Variants in PTP4A2 observed in about 807,000 individuals in gnomAD.
The protein encoded by PTP4A2 is protein tyrosine phosphatase type IVA 2.
In PTP4A2, 2 loss-of-function variants were observed where a neutral mutation model predicts 22.9. That is an observed-to-expected ratio of 0.09 (90% confidence interval 0.04 to 0.27). The LOEUF (loss-of-function observed/expected upper bound fraction) is 0.27. Ranked by LOEUF, PTP4A2 falls within the 10% of genes least tolerant of loss-of-function variation. The pLI is 1.00. For synonymous variants in PTP4A2, 68 were observed against 69.1 expected, an observed-to-expected ratio of 0.98 and a Z score of 0.08; for missense variants, 103 against 205.1, an observed-to-expected ratio of 0.50 and a Z score of 3.04.
In PTP4A2 at chr1:31,915,921, C is replaced by G; in HGVS notation, c.163G>C (p.Val55Leu). 1 of 1,606,518 alleles carries G rather than the reference C, an allele frequency of 6.2e-7. No individual in the cohort carries two copies. Among genetic ancestry groups the G allele is most frequent in the Non-Finnish European group, 8.5e-7 (1 of 1,176,446 alleles). Reference sequence around the variant, plus strand: ...AGAACGTGGATTCCTTCTTTTTCAACTGGAGCTTTATCATATGTAGCATCA... The same window carrying G: ...AGAACGTGGATTCCTTCTTTTTCAAGTGGAGCTTTATCATATGTAGCATCA... Reference protein sequence around the residue: ...VCDATYDKAPVEKEGIHVLDW... With the variant: ...VCDATYDKAPLEKEGIHVLDW... Residue 55 changes from valine to leucine, a missense_variant, in exon 3 of 6, where the codon GTT becomes CTT. Physicochemically the swap from Val to Leu is conservative, Grantham distance 32. This residue lies in a region of PTP4A2 where 66 missense variants were observed against 113.0 expected (regional missense o/e 0.58). Coordinates refer to ENST00000647444, the MANE Select transcript of PTP4A2 (RefSeq NM_080391.4).
intron 3 of PTP4A2, chr1:31,913,007 T>C: frequency 4.4e-6 from 2 of 455,380 alleles, no homozygotes; most frequent in Non-Finnish European, 8.8e-6. Context: ...CTTCCTCTAA[T>C]ACTCCCTAAA....
intron 1 of PTP4A2, among the ~76,000 whole-genome samples, chr1:31,928,029 C>A (rs2124245907): frequency 6.6e-6 from 1 of 151,832 alleles, no homozygotes; most frequent in East Asian, 1.9e-4. Context: ...CTCTTATAAC[C>A]TACTCCCAAA....
rs761031298 is a variant in PTP4A2 at position 31,922,582 on chromosome 1, G to GTTTC, written c.-593-2925_-593-2924insGAAA. On this transcript the variant is annotated intron_variant, in intron 1 of 5. Coordinates refer to ENST00000647444, the MANE Select transcript of PTP4A2 (RefSeq NM_080391.4). ...TAGCAGCTTAAGAACAAAAACCCAG[G>GTTTC]TTTGTTTCTTTCTTTCTTTCTTTCT... 2.6e-4 allele frequency among the ~76,000 whole-genome samples: 37 copies of GTTTC among 141,724 alleles called. 1 individual carries two copies. The highest frequency in any genetic ancestry group is 4.4e-4 in the Non-Finnish European group (29 of 65,174). 93.0% of individuals were successfully genotyped at this position (141,724 alleles called of 152,430 possible).
rs1270129267 is a variant in PTP4A2 at position 31,938,006 on chromosome 1, G to C, written c.-613C>G. The C allele has an allele frequency of 6.6e-6, 1 of 152,592 alleles. No homozygotes were observed. The highest frequency in any genetic ancestry group is 1.5e-5 in the Non-Finnish European group (1 of 68,072). The allele number at this position is 152,592 out of a possible 1,614,324, so 9.5% of individuals were successfully genotyped here. ...ACTCACGCTGGCGAGCTGGGGACTG[G>C]GCATTGAAGTCCGGCGGTGGCGGGA... On this transcript the variant is annotated 5_prime_UTR_variant, in exon 1 of 6. Coordinates refer to ENST00000647444, the MANE Select transcript of PTP4A2 (RefSeq NM_080391.4). This position sits in a 1 kb window ranked among gnomAD's most constrained non-coding sequence, Gnocchi z 4.4.
intron 1 of PTP4A2, among the ~76,000 whole-genome samples, chr1:31,922,218 C>T (rs182637813): frequency 6.6e-6 from 1 of 152,334 alleles, no homozygotes; most frequent in East Asian, 1.9e-4. Context: ...GGCGTGATGG[C>T]TCACGCCTGT....
intron 1 of PTP4A2, chr1:31,932,657 G>A (rs965382825): frequency 6.6e-6 from 1 of 152,168 alleles, no homozygotes; most frequent in East Asian, 1.9e-4. Context: ...TGCAGGAAAC[G>A]AGTCATTCTC....
At chr1:31,923,693 T>C (rs1046347692) in intron 1 of PTP4A2, among the ~76,000 whole-genome samples, 25 of 151,986 alleles carry the variant, frequency 1.6e-4, no homozygotes, top group Non-Finnish European at 2.9e-4. Flanking sequence ...CAGCTAATAT[T>C]TTTAAAGTAT....
chr1:31,933,620 A>C (rs1040304817), intron 1 of PTP4A2: 1 of 152,036 alleles, frequency 6.6e-6, no homozygotes, highest in East Asian at 1.9e-4. Context: ...CTATAATACC[A>C]GCTGAGGCAG....
At position 31,908,316 on chromosome 1, in the gene PTP4A2, C is replaced by T. The variant is rs1651353415; in HGVS notation, c.*536G>A. Reference sequence around the variant, plus strand: ...GCACGCACATCTACAGCAACAAGGGCTTCTATTCCATCTACAACTTGGATC... The same window carrying T: ...GCACGCACATCTACAGCAACAAGGGTTTCTATTCCATCTACAACTTGGATC... On this transcript the variant is annotated 3_prime_UTR_variant, in exon 6 of 6. Transcript: ENST00000647444. 1 of 138,490 alleles carries T rather than the reference C, an allele frequency of 7.2e-6. No homozygotes were observed. The highest frequency in any genetic ancestry group is 7.5e-5 in the Admixed American group (1 of 13,394). The allele number at this position is 138,490 out of a possible 1,614,324, so 8.6% of individuals were successfully genotyped here. A position where few individuals can be genotyped will look rare whatever the true frequency, so the allele number is the denominator to read the frequency against.
At chr1:31,936,123 A>G (rs530494298) in intron 1 of PTP4A2, among the ~76,000 whole-genome samples, 43 of 152,090 alleles carry the variant, frequency 2.8e-4, no homozygotes, top group African/African-American at 5.3e-4. Context: ...ATTACACATC[A>G]GTGATTTTGC....
chr1:31,937,210 C>T (rs760270440), intron 1 of PTP4A2, among the ~76,000 whole-genome samples: 2 of 151,756 alleles, frequency 1.3e-5, no homozygotes, highest in Non-Finnish European at 2.9e-5. Flanking sequence ...AGTCATGAAA[C>T]GTGGGAGAAA....
At chr1:31,928,357 C>T (rs1421955007) in intron 1 of PTP4A2, among the ~76,000 whole-genome samples, 1 of 151,028 alleles carries the variant, frequency 6.6e-6, no homozygotes, top group Admixed American at 6.6e-5. Context: ...AATAAGGATC[C>T]AAAATGTCAG....
intron 1 of PTP4A2, among the ~76,000 whole-genome samples, chr1:31,935,243 T>C (rs1652884748): frequency 6.6e-6 from 1 of 152,166 alleles, no homozygotes; most frequent in Non-Finnish European, 1.5e-5. Flanking sequence ...CACGCAGACA[T>C]ATCCCAGGTG....
intron 1 of PTP4A2, among the ~76,000 whole-genome samples, chr1:31,929,827 A>T (rs942029449): frequency 6.6e-6 from 1 of 152,240 alleles, no homozygotes; most frequent in African/African-American, 2.4e-5. Flanking sequence ...AGTAGTAAAA[A>T]TCCAAAAGAA....
intron 1 of PTP4A2, among the ~76,000 whole-genome samples, chr1:31,919,970 T>C (rs148896725): frequency 3.2e-4 from 47 of 147,590 alleles, no homozygotes; most frequent in African/African-American, 1.1e-3. Context: ...CTACTAAAAA[T>C]ACACAATTAG....
rs1652022476 is a variant in PTP4A2 at position 31,919,338 on chromosome 1, C to T, written c.-273G>A. Reference sequence around the variant, plus strand: ...TACCTTCGGACTCCAAAAAATCCAACTACATACAAAACTTAAGCAGCCTTT... The same window carrying T: ...TACCTTCGGACTCCAAAAAATCCAATTACATACAAAACTTAAGCAGCCTTT... On this transcript the variant is annotated 5_prime_UTR_variant, in exon 2 of 6. The change abolishes the stop of an existing upstream ORF in the 5' untranslated region. Coordinates refer to ENST00000647444, the MANE Select transcript of PTP4A2 (RefSeq NM_080391.4). 4.6e-6 allele frequency: 1 copy of T among 219,408 alleles called. No homozygotes were observed. The highest frequency in any genetic ancestry group is 9.1e-6 in the Non-Finnish European group (1 of 109,290). The allele number at this position is 219,408 out of a possible 1,614,324, so 13.6% of individuals were successfully genotyped here.
At chr1:31,920,727 G>A (rs1004219600) in intron 1 of PTP4A2, among the ~76,000 whole-genome samples, 95 of 151,664 alleles carry the variant, frequency 6.3e-4, no homozygotes, top group South Asian at 2.7e-3. Context: ...TGGTAGAGAC[G>A]GGGCTTCACC....
chr1:31,916,400 T>C (rs963396281), intron 2 of PTP4A2, among the ~76,000 whole-genome samples: 1 of 99,634 alleles, frequency 1.0e-5, no homozygotes, highest in African/African-American at 3.7e-5. Flanking sequence ...ATTAAAACAA[T>C]GAGATATCAT....
chr1:31,913,024 C>G (rs894607491), intron 3 of PTP4A2: 5 of 454,622 alleles, frequency 1.1e-5, no homozygotes, highest in African/African-American at 1.0e-4. Flanking sequence ...TAAAATGCAC[C>G]TAGTTAAGAA....
Sources: gnomAD v4.1 joint callset for allele counts (sites outside exome capture counted in the v4.1 genomes callset) on GRCh38, gnomAD v4.1.1 for gene constraint, gnomAD v4.1.1 regional missense constraint, Gnocchi (gnomAD v3.1) non-coding constraint, MANE v1.5 for transcripts, NCBI Gene and HGNC (gene_info 2026-07-23, HGNC 2026-07-21) for gene names.